The following ABL1 variants were observed in gnomAD, a reference collection of about 807,000 sequenced individuals.
ABL1 encodes tyrosine-protein kinase ABL1.
ABL1 carries 11 observed loss-of-function variants against 94.7 expected under a neutral mutation model. The ratio of observed to expected loss-of-function variants is 0.12; its 90% CI spans 0.07 to 0.19. ABL1 has a LOEUF of 0.19. ABL1 is among the 10% of genes least tolerant of loss of function. ABL1 has a pLI of 1.00. For missense variants in ABL1, 1,082 were observed against 1,489.4 expected, an observed-to-expected ratio of 0.73 and a Z score of 4.50; for synonymous variants, 656 against 622.4, an observed-to-expected ratio of 1.05 and a Z score of -0.80.
intron 1 of ABL1, among the ~76,000 whole-genome samples, chr9:130,797,470 G>A (rs1472706017): frequency 6.6e-6 from 1 of 152,114 alleles, no homozygotes; most frequent in Non-Finnish European, 1.5e-5. Flanking sequence ...TGCCTCCCAG[G>A]TTCAAGCGAT....
intron 1 of ABL1, among the ~76,000 whole-genome samples, chr9:130,739,695 G>C (rs1050727364): frequency 6.6e-6 from 1 of 152,126 alleles, no homozygotes; most frequent in East Asian, 1.9e-4. Flanking sequence ...TTTATAAGTT[G>C]ATCCAACCAT....
chr9:130,759,098 T>C (rs905048759), intron 1 of ABL1, among the ~76,000 whole-genome samples: 1 of 152,024 alleles, frequency 6.6e-6, no homozygotes, highest in Non-Finnish European at 1.5e-5. Context: ...GGTTTGTTGT[T>C]GCGTAGAGGA....
At chr9:130,786,210 T>A (rs556071383) in intron 1 of ABL1, among the ~76,000 whole-genome samples, 1 of 152,186 alleles carries the variant, frequency 6.6e-6, no homozygotes, top group South Asian at 2.1e-4. Context: ...GATTGGCTAT[T>A]TTGGATAATT....
At position 130,781,145 on chromosome 9, in the gene ABL1, A is replaced by G. The variant is rs529093829; in HGVS notation, c.136+66690A>G. ...TGGAATGAAAAATAGCCATGGATTT[A>G]AAGACATAGCACATTCTTCCTATGA... On this transcript the variant is annotated intron_variant, in intron 1 of 10. Coordinates refer to the ABL1 transcript ENST00000372348. Among the ~76,000 whole-genome samples the G allele has an allele frequency of 3.3e-5, 5 of 152,378 alleles. No individual in the cohort carries two copies. The South Asian group carries it at 1.0e-3, about 32-fold the overall frequency.
rs746705348 is a variant in ABL1, at chr9:130,885,175, C to A, written c.2885C>A (p.Ala962Asp). The change falls in exon 11 of 11, where the codon GCC (alanine) becomes GAC (aspartate). Residue 962 changes from alanine (A) to aspartate (D), a missense_variant. Physicochemically the swap from Ala to Asp is moderately radical, Grantham distance 126 (BLOSUM62 -2). This residue lies in a region of ABL1 where 780 missense variants were observed against 835.8 expected (regional missense o/e 0.93). Transcript: ENST00000318560. ...GEGLKKPVLP[A>D]TPKPQSAKPS... ...GGCCTCAAAAAGCCCGTGCTCCCGG[C>A]CACTCCAAAGCCACAGTCCGCCAAG... is the stretch of plus-strand genomic sequence containing the variant. 7.4e-6 allele frequency: 12 copies of A among 1,613,436 alleles called. No individual in the cohort carries two copies. The South Asian group carries it at 1.3e-4, about 18-fold the overall frequency.
At chr9:130,800,944 T>G (rs1830046530) in intron 1 of ABL1, among the ~76,000 whole-genome samples, 1 of 151,874 alleles carries the variant, frequency 6.6e-6, no homozygotes, top group East Asian at 1.9e-4. Flanking sequence ...TTTTTTTTCT[T>G]TTTTTTGAGA....
chr9:130,830,141 C>G (rs1209215751), intron 1 of ABL1, among the ~76,000 whole-genome samples: 1 of 152,116 alleles, frequency 6.6e-6, no homozygotes, highest in Non-Finnish European at 1.5e-5. Flanking sequence ...AATGAGCATA[C>G]TAATACCATT....
intron 1 of ABL1, among the ~76,000 whole-genome samples, chr9:130,817,836 C>T (rs1830308522): frequency 6.6e-6 from 1 of 152,172 alleles, no homozygotes; most frequent in Admixed American, 6.6e-5. Context: ...ATTGATCCAT[C>T]CATCCACTGA....
rs141824678 is a variant in ABL1 at position 130,884,603 on chromosome 9, G to T, written c.2313G>T (p.Arg771Ser). 6.2e-7 allele frequency: 1 copy of T among 1,613,388 alleles called. No homozygotes were observed. Among genetic ancestry groups the T allele is most frequent in the African/African-American group, 1.3e-5 (1 of 75,066 alleles). Reference protein sequence around the residue: ...ALPRKRAGENRSDQVTRGTVT... With the variant: ...ALPRKRAGENSSDQVTRGTVT... ...CTCGGAAGAGGGCAGGGGAGAACAG[G>T]TCTGACCAGGTGACCCGAGGCACAG... The change falls in exon 11 of 11, where the codon AGG becomes AGT. Residue 771 changes from arginine (R) to serine (S), a missense_variant. By Grantham distance (110) the Arg-to-Ser change is moderately radical. Around this residue, in one of 7 missense-constraint regions of ABL1, gnomAD observed 780 missense variants for 835.8 expected, o/e 0.93. Transcript: ENST00000318560. The surrounding 1 kb of genome is among the most constrained non-coding windows in gnomAD (Gnocchi z 5.6).
intron 1 of ABL1, among the ~76,000 whole-genome samples, chr9:130,794,687 C>T (rs755283992): frequency 7.2e-5 from 11 of 152,242 alleles, no homozygotes; most frequent in South Asian, 6.2e-4. Flanking sequence ...TCACTGTTGA[C>T]GGGGTTCCCT....
rs901010648 is a variant in ABL1 at position 130,846,720 on chromosome 9, G to A, written c.80-7344G>A. Among the ~76,000 whole-genome samples, 4 of 152,228 alleles carry A rather than the reference G, an allele frequency of 2.6e-5. 1 individual carries two copies. Among genetic ancestry groups the A allele is most frequent in the Admixed American group, 6.5e-5 (1 of 15,286 alleles). On this transcript the variant is annotated intron_variant, in intron 1 of 10. Transcript: ENST00000318560. Reference sequence around the variant, plus strand: ...TCCCCCCTTGGGCTGTGAAGTAGCCGGTACTGGGGTTCATGGGCATTTCCC... The same window carrying A: ...TCCCCCCTTGGGCTGTGAAGTAGCCAGTACTGGGGTTCATGGGCATTTCCC...
intron 1 of ABL1, among the ~76,000 whole-genome samples, chr9:130,850,438 T>C (rs1009713544): frequency 6.6e-6 from 1 of 152,164 alleles, no homozygotes; most frequent in African/African-American, 2.4e-5. Context: ...GGAAGTGAGA[T>C]GATATATTCA....
At chr9:130,750,275 G>C (rs1306725367) in intron 1 of ABL1, among the ~76,000 whole-genome samples, 1 of 143,092 alleles carries the variant, frequency 7.0e-6, no homozygotes, top group Non-Finnish European at 1.5e-5. Flanking sequence ...GCTGGTAAAG[G>C]CTTTTTCATT....
intron 3 of ABL1, among the ~76,000 whole-genome samples, chr9:130,858,870 T>C (rs1266392718): frequency 3.9e-5 from 6 of 152,180 alleles, no homozygotes; most frequent in Non-Finnish European, 8.8e-5. Context: ...TTGGCTCTTA[T>C]TTGTGTCTCT....
chr9:130,745,274 G>A (rs568443235), intron 1 of ABL1, among the ~76,000 whole-genome samples: 160 of 151,960 alleles, frequency 1.1e-3, no homozygotes, highest in Non-Finnish European at 1.8e-3. Context: ...AGTAGAGACA[G>A]GATTTCTCCA....
intron 1 of ABL1, among the ~76,000 whole-genome samples, chr9:130,787,470 A>C (rs568970864): frequency 1.5e-4 from 23 of 152,024 alleles, no homozygotes; most frequent in Non-Finnish European, 2.9e-4. Flanking sequence ...GCAGACGATC[A>C]TATTTGCTGG....
chr9:130,806,110 C>T (rs1005580381), intron 1 of ABL1, among the ~76,000 whole-genome samples: 1 of 152,182 alleles, frequency 6.6e-6, no homozygotes, highest in Non-Finnish European at 1.5e-5. Context: ...AATGGTGCTT[C>T]TGCAAACCTC....
intron 1 of ABL1, among the ~76,000 whole-genome samples, chr9:130,853,034 G>A (rs530775699): frequency 6.6e-6 from 1 of 152,142 alleles, no homozygotes; most frequent in East Asian, 1.9e-4. Context: ...CGGAGAATAG[G>A]ACTCCAGTGA....
At chr9:130,795,709 T>C (rs1250994887) in intron 1 of ABL1, among the ~76,000 whole-genome samples, 1 of 152,228 alleles carries the variant, frequency 6.6e-6, no homozygotes, top group East Asian at 1.9e-4. Flanking sequence ...AGAGCTGGAC[T>C]AATTAAATAA....
Sources: gnomAD v4.1 joint callset for allele counts (sites outside exome capture counted in the v4.1 genomes callset) on GRCh38, gnomAD v4.1.1 for gene constraint, gnomAD v4.1.1 regional missense constraint, Gnocchi (gnomAD v3.1) non-coding constraint, MANE v1.5 for transcripts, NCBI Gene and HGNC (gene_info 2026-07-23, HGNC 2026-07-21) for gene names.